The following PSMB2 variants were observed in gnomAD, a reference collection of about 807,000 sequenced individuals.
PSMB2 encodes the protein proteasome 20S subunit beta 2.
PSMB2 carries 13 observed loss-of-function variants against 25.7 expected under a neutral mutation model. That is an observed-to-expected ratio of 0.51 (90% CI 0.33 to 0.80). The LOEUF is 0.80. Among genes scored for constraint, PSMB2 ranks in the 30% least tolerant of loss-of-function variants. PSMB2 has a pLI of 0.02. For missense variants in PSMB2, 202 were observed against 259.0 expected, an observed-to-expected ratio of 0.78 and a Z score of 1.51; for synonymous variants, 87 against 96.2, an observed-to-expected ratio of 0.90 and a Z score of 0.56.
intron 3 of PSMB2, among the ~76,000 whole-genome samples, chr1:35,615,612 C>T (rs541522190): frequency 6.6e-5 from 10 of 152,264 alleles, no homozygotes; most frequent in South Asian, 2.1e-4. Context: ...TGACATCTGG[C>T]GGAAGCTAAA....
At chr1:35,623,748 AAG>A (rs1322061705) in intron 3 of PSMB2, among the ~76,000 whole-genome samples, 1 of 152,248 alleles carries the variant, frequency 6.6e-6, no homozygotes, top group Non-Finnish European at 1.5e-5. Context: ...CACATGGAGG[AAG>A]AAGGCAGTGC....
Position 35,599,784 on chromosome 1 carries a change from T to C in PSMB2, c.*3483A>G. On this transcript the variant is annotated 3_prime_UTR_variant, in exon 6 of 6. Coordinates refer to ENST00000373237, the MANE Select transcript of PSMB2 (RefSeq NM_002794.5). ...TAAAAGTAGAGTGAAGTTAGGAGGC[T>C]GTTAAATAGTCTAAGAAACGATAGG... The C allele has an allele frequency of 1.0e-6, 1 of 984,218 alleles. No individual in the cohort carries two copies. Among genetic ancestry groups the C allele is most frequent in the African/African-American group, 1.7e-5 (1 of 57,306 alleles). 61.0% of individuals were successfully genotyped at this position (984,218 alleles called of 1,614,324 possible).
chr1:35,632,880 G>A (rs967266763), intron 2 of PSMB2, among the ~76,000 whole-genome samples: 10 of 151,638 alleles, frequency 6.6e-5, no homozygotes, highest in Admixed American at 1.3e-4. Flanking sequence ...GGCGACAGGA[G>A]TGAGACCCTG....
intron 3 of PSMB2, among the ~76,000 whole-genome samples, chr1:35,612,213 G>A (rs560053248): frequency 2.8e-4 from 43 of 151,948 alleles, no homozygotes; most frequent in Admixed American, 5.2e-4. Context: ...CCAAGCTCTG[G>A]AATTCTCTGT....
rs1416814667 is a variant in PSMB2 at position 35,636,372 on chromosome 1, C to A, written c.152G>T (p.Gly51Val). ...KILLLCVGEA[G>V]DTVQFAEYIQ... Reference sequence around the variant, plus strand: ...ATATTCTGCAAACTGTACAGTGTCTCCAGCCTCTCCAACACACAGGAGTAA... The same window carrying A: ...ATATTCTGCAAACTGTACAGTGTCTACAGCCTCTCCAACACACAGGAGTAA... Residue 51 changes from glycine (G) to valine (V), a missense_variant, in exon 2 of 6, where the codon GGA becomes GTA. Physicochemically the swap from Gly to Val is moderately radical, Grantham distance 109. Coordinates refer to ENST00000373237, the MANE Select transcript of PSMB2 (RefSeq NM_002794.5). The A allele has an allele frequency of 6.2e-7, 1 of 1,613,976 alleles. No homozygotes were observed. Among genetic ancestry groups the A allele is most frequent in the Admixed American group, 1.7e-5 (1 of 60,008 alleles).
chr1:35,604,111 C>A lies in PSMB2; in HGVS notation c.499-737G>T, dbSNP rs966159003. 1.3e-5 allele frequency among the ~76,000 whole-genome samples: 2 copies of A among 151,738 alleles called. 1 individual carries two copies. Among genetic ancestry groups the A allele is most frequent in the South Asian group, 4.2e-4 (2 of 4,794 alleles). On this transcript the variant is annotated intron_variant, in intron 5 of 5. Transcript: ENST00000373237. ...TTGTGTAAGAAGCAAACTGACATTA[C>A]TCCCAACGCTCCTGCTCTTATCTTC...
chr1:35,635,068 T>C (rs1651206872), intron 2 of PSMB2, among the ~76,000 whole-genome samples: 1 of 152,046 alleles, frequency 6.6e-6, no homozygotes, highest in African/African-American at 2.4e-5. Flanking sequence ...GAGACCAGCC[T>C]GACCAACATG....
chr1:35,631,411 C>T, intron 2 of PSMB2, 67 bp from the exon 3 acceptor site: 2 of 1,601,918 alleles, frequency 1.2e-6, no homozygotes, highest in Admixed American at 1.7e-5. Flanking sequence ...CCAAATTATT[C>T]ACTACCCCTG....
Position 35,601,385 on chromosome 1 carries a change from C to A in PSMB2, c.*1882G>T. ...CACCGCACCCGGCCAACCTGTGGCA[C>A]TTTTAAAATAGATGCCTTACACTCA... On this transcript the variant is annotated 3_prime_UTR_variant, in exon 6 of 6. Transcript: ENST00000373237. 1 of 985,160 alleles carries A rather than the reference C, an allele frequency of 1.0e-6. No homozygotes were observed. The highest frequency in any genetic ancestry group is 1.2e-6 in the Non-Finnish European group (1 of 829,872). The allele number at this position is 985,160 out of a possible 1,614,324, so 61.0% of individuals were successfully genotyped here. A position where few individuals can be genotyped will look rare whatever the true frequency, so the allele number is the denominator to read the frequency against.
intron 3 of PSMB2, among the ~76,000 whole-genome samples, chr1:35,617,923 A>G (rs546816823): frequency 2.4e-4 from 36 of 152,292 alleles, no homozygotes; most frequent in African/African-American, 8.7e-4. Flanking sequence ...GACATAGCAC[A>G]TTGGTTAATT....
chr1:35,615,957 A>C (rs1650480477), intron 3 of PSMB2, among the ~76,000 whole-genome samples: 2 of 152,238 alleles, frequency 1.3e-5, no homozygotes, highest in Non-Finnish European at 2.9e-5. Context: ...TGAAAGGAAC[A>C]GTACATCTGC....
In PSMB2 at chr1:35,602,004, T is replaced by A. The variant is rs1650015922; in HGVS notation, c.*1263A>T. 3 of 812,930 alleles carry A rather than the reference T, an allele frequency of 3.7e-6. No homozygotes were observed. The highest frequency in any genetic ancestry group is 5.6e-5 in the South Asian group (1 of 17,718). 50.4% of individuals were successfully genotyped at this position (812,930 alleles called of 1,614,324 possible). A position where few individuals can be genotyped will look rare whatever the true frequency, so the allele number is the denominator to read the frequency against. On this transcript the variant is annotated 3_prime_UTR_variant, in exon 6 of 6. Coordinates refer to ENST00000373237, the MANE Select transcript of PSMB2 (RefSeq NM_002794.5). ...TATTGATATAAAACAATCTCTAATA[T>A]AGTGTTAAGTGAAATAAGCAATATG... is the stretch of plus-strand genomic sequence containing the variant.
intron 1 of PSMB2, among the ~76,000 whole-genome samples, chr1:35,640,270 C>T (rs887925468): frequency 1.3e-5 from 2 of 152,052 alleles, no homozygotes; most frequent in Non-Finnish European, 2.9e-5. Flanking sequence ...TGGGCACCTA[C>T]GTACACTTAG....
chr1:35,620,381 C>T (rs987686483), intron 3 of PSMB2, among the ~76,000 whole-genome samples: 1 of 152,190 alleles, frequency 6.6e-6, no homozygotes, highest in South Asian at 2.1e-4. Flanking sequence ...CTCCCCGCTT[C>T]CTTCATTCTT....
chr1:35,603,232 A>G lies in PSMB2; in HGVS notation c.*35T>C, dbSNP rs60768546. On this transcript the variant is annotated 3_prime_UTR_variant, in exon 6 of 6. Transcript: ENST00000373237. ...AAAAAATAAAGGAGCCCATCAAAAA[A>G]AAGTTCCCTGGCAAGTGGGAGGGAG... 3.0e-3 allele frequency: 4,828 copies of G among 1,595,520 alleles called. 114 individuals carry two copies. In the African/African-American group the frequency reaches 0.051, roughly 17 times the overall value.
chr1:35,635,120 G>A (rs1018033113), intron 2 of PSMB2, among the ~76,000 whole-genome samples: 3 of 152,014 alleles, frequency 2.0e-5, no homozygotes, highest in Non-Finnish European at 2.9e-5. Flanking sequence ...TTAGCCAGGC[G>A]TGGTGGCACA....
intron 1 of PSMB2, among the ~76,000 whole-genome samples, chr1:35,640,810 T>C (rs544238786): frequency 6.6e-6 from 1 of 152,304 alleles, no homozygotes; most frequent in African/African-American, 2.4e-5. Flanking sequence ...ATTTATAAAC[T>C]GATTCCCTTT....
At chr1:35,606,470 A>G (rs769828253) in intron 4 of PSMB2, among the ~76,000 whole-genome samples, 1 of 152,190 alleles carries the variant, frequency 6.6e-6, no homozygotes, top group Non-Finnish European at 1.5e-5. Flanking sequence ...AAAATAAAAT[A>G]CCTAGGAATA....
In PSMB2 at chr1:35,605,272, A is replaced by C; in HGVS notation, c.459T>G (p.Arg153=). 4.3e-6 allele frequency: 7 copies of C among 1,613,242 alleles called. No individual in the cohort carries two copies. The highest frequency in any genetic ancestry group is 4.2e-6 in the Non-Finnish European group (5 of 1,179,568). The part of the protein sequence containing the change: ...LDRYYTPTIS[R]ERAVELLRKC... ...TCCTAAGGAGTTCCACTGCCCTCTC[A>C]CGTGAGATAGCTGAAAGAGAACACA... The change falls in exon 5 of 6, where the codon CGT becomes CGG. Residue 153 remains arginine (R), a synonymous_variant. Transcript: ENST00000373237.
Sources: gnomAD v4.1 joint callset for allele counts (sites outside exome capture counted in the v4.1 genomes callset) on GRCh38, gnomAD v4.1.1 for gene constraint, MANE v1.5 for transcripts, NCBI Gene and HGNC (gene_info 2026-07-23, HGNC 2026-07-21) for gene names.